The following FAM200C variants were observed in gnomAD, a reference collection of about 807,000 sequenced individuals.
At chr5:160,397,889 ATGTAATAT>A in the FAM200C span, among the ~76,000 whole-genome samples, 2 of 152,266 alleles carry the variant, frequency 1.3e-5, no homozygotes, top group African/African-American at 4.8e-5. Flanking sequence ...TATATTTATC[ATGTAATAT>A]TTGGGGAGGA....
the FAM200C span, chr5:160,395,446 C>G: frequency 1.2e-6 from 2 of 1,614,026 alleles, no homozygotes; most frequent in African/African-American, 2.7e-5. Context: ...TACAGGTGAA[C>G]CAGTAGCGAA....
the FAM200C span, chr5:160,393,791 T>A: frequency 6.3e-7 from 1 of 1,589,458 alleles, no homozygotes; most frequent in African/African-American, 1.3e-5. Flanking sequence ...CACACGGATA[T>A]CATCACTCAG....
the FAM200C span, chr5:160,395,182 G>A: frequency 1.2e-6 from 2 of 1,613,714 alleles, no homozygotes; most frequent in South Asian, 2.2e-5. Context: ...TCTTCTCCTT[G>A]GCACATAAAT....
chr5:160,394,620 GA>G, the FAM200C span: 1 of 1,614,144 alleles, frequency 6.2e-7, no homozygotes, highest in Non-Finnish European at 8.5e-7. Context: ...ACAGTAAACA[GA>G]GCATCCCTCA....
At chr5:160,397,416 T>G in the FAM200C span, 1 of 152,232 alleles carries the variant, frequency 6.6e-6, no homozygotes, top group Non-Finnish European at 1.5e-5. Flanking sequence ...AGTAAAGGCA[T>G]AATCCACAGG....
At chr5:160,398,786 T>TGC in the FAM200C span, among the ~76,000 whole-genome samples, 6 of 152,188 alleles carry the variant, frequency 3.9e-5, no homozygotes, top group African/African-American at 9.6e-5. Flanking sequence ...AATTTGCACT[T>TGC]GCGCTTTTGT....
the FAM200C span, chr5:160,395,478 G>A: frequency 3.7e-6 from 6 of 1,613,522 alleles, no homozygotes; most frequent in Non-Finnish European, 4.2e-6. Context: ...TCCCATTTGC[G>A]TTTCTTCGAC....
At chr5:160,394,679 C>T in the FAM200C span, 8 of 1,613,988 alleles carry the variant, frequency 5.0e-6, no homozygotes, top group Non-Finnish European at 5.9e-6. Flanking sequence ...ATTCAATAAA[C>T]AATGTGTAAC....
chr5:160,394,485 G>C, the FAM200C span: 1 of 1,613,920 alleles, frequency 6.2e-7, no homozygotes, highest in Admixed American at 1.7e-5. Flanking sequence ...ATTTGGCCTC[G>C]GGAAAGCCAC....
At chr5:160,397,717 G>C in the FAM200C span, among the ~76,000 whole-genome samples, 2 of 152,154 alleles carry the variant, frequency 1.3e-5, no homozygotes, top group Non-Finnish European at 2.9e-5. Flanking sequence ...GAGGATGTCT[G>C]CCAATCAAAA....
chr5:160,393,797 C>T, the FAM200C span: 2 of 1,594,492 alleles, frequency 1.3e-6, no homozygotes, highest in South Asian at 1.1e-5. Flanking sequence ...GATATCATCA[C>T]TCAGATTAAA....
the FAM200C span, among the ~76,000 whole-genome samples, chr5:160,398,436 C>A: frequency 6.6e-6 from 1 of 152,144 alleles, no homozygotes; most frequent in Non-Finnish European, 1.5e-5. Flanking sequence ...ACTGGAGAGG[C>A]TGATGCAGGA....
chr5:160,394,664 T>C, the FAM200C span: 1 of 1,614,152 alleles, frequency 6.2e-7, no homozygotes, highest in Admixed American at 1.7e-5. Flanking sequence ...GACAAGTGCA[T>C]GAGGATTCAA....
chr5:160,395,312 C>T, the FAM200C span: 4 of 1,613,960 alleles, frequency 2.5e-6, no homozygotes, highest in African/African-American at 4.0e-5. Context: ...GAGATCATGC[C>T]CAGCTACACC....
the FAM200C span, chr5:160,394,516 G>A: frequency 6.2e-7 from 1 of 1,614,108 alleles, no homozygotes. Flanking sequence ...TATGGAAAAG[G>A]AGGACACTAT....
chr5:160,395,270 T>C, the FAM200C span: 6 of 1,614,158 alleles, frequency 3.7e-6, no homozygotes, highest in Non-Finnish European at 5.1e-6. Flanking sequence ...TTCACTCTGA[T>C]CAGATGGTGC....
the FAM200C span, among the ~76,000 whole-genome samples, chr5:160,397,274 C>T: frequency 6.6e-6 from 1 of 152,206 alleles, no homozygotes. Context: ...TTCTAGGTTT[C>T]TAAGTGAATG....
the FAM200C span, chr5:160,394,894 CTCTCTT>C: frequency 6.2e-7 from 1 of 1,612,480 alleles, no homozygotes; most frequent in Non-Finnish European, 8.5e-7. Context: ...CTTCTACGAT[CTCTCTT>C]TCTTTTATAT....
the FAM200C span, chr5:160,399,780 GAAAA>G: frequency 4.1e-5 from 6 of 147,514 alleles, no homozygotes; most frequent in Admixed American, 1.3e-4. Context: ...CAGCTGCTAG[GAAAA>G]AAAAAAAAAA....
Sources: gnomAD v4.1 joint callset for allele counts (sites outside exome capture counted in the v4.1 genomes callset) on GRCh38, gnomAD v4.1.1 for gene constraint, MANE v1.5 for transcripts.